The following SLIT3 variants were observed in gnomAD, a reference collection of about 807,000 sequenced individuals.
SLIT3 encodes the protein slit homolog 3 protein.
Under a neutral mutation model 184.0 loss-of-function variants are expected in SLIT3, and 68 were observed. The observed-to-expected ratio is 0.37, with a 90% confidence interval of 0.30 to 0.45. The LOEUF is 0.45. SLIT3 is among the 20% of genes least tolerant of loss of function. The pLI is 1.00. For missense variants in SLIT3, 1,707 were observed against 2,026.0 expected, an observed-to-expected ratio of 0.84 and a Z score of 3.02; for synonymous variants, 831 against 828.6, an observed-to-expected ratio of 1.00 and a Z score of -0.05.
chr5:169,287,491 C>T (rs1013345721), intron 1 of SLIT3, among the ~76,000 whole-genome samples: 4 of 152,150 alleles, frequency 2.6e-5, no homozygotes, highest in Non-Finnish European at 4.4e-5. Flanking sequence ...AATGAAGGCA[C>T]CTTTTCATAA....
At chr5:169,243,409 G>C (rs1321812792) in intron 3 of SLIT3, among the ~76,000 whole-genome samples, 1 of 152,130 alleles carries the variant, frequency 6.6e-6, no homozygotes, top group Non-Finnish European at 1.5e-5. Flanking sequence ...AAATAAACGT[G>C]TAAACAGAGA....
chr5:169,005,894 C>T (rs1248046835), intron 4 of SLIT3, among the ~76,000 whole-genome samples: 1 of 152,214 alleles, frequency 6.6e-6, no homozygotes, highest in Non-Finnish European at 1.5e-5. Context: ...AAACAAACAG[C>T]AGTGCATAGA....
chr5:169,074,121 C>T (rs1758651356), intron 4 of SLIT3, among the ~76,000 whole-genome samples: 1 of 152,120 alleles, frequency 6.6e-6, no homozygotes, highest in African/African-American at 2.4e-5. Flanking sequence ...ATGGAGGGAG[C>T]AGTAGTTTTC....
At chr5:168,888,463 G>A (rs962456062) in intron 4 of SLIT3, among the ~76,000 whole-genome samples, 33 of 152,186 alleles carry the variant, frequency 2.2e-4, no homozygotes, top group African/African-American at 7.2e-4. Flanking sequence ...GAACCCAAGG[G>A]GATCCACCCC....
At chr5:169,254,954 A>T (rs1384154638) in intron 1 of SLIT3, among the ~76,000 whole-genome samples, 1 of 152,268 alleles carries the variant, frequency 6.6e-6, no homozygotes, top group East Asian at 1.9e-4. Context: ...CAGTCATGTA[A>T]CATATAGCAA....
intron 17 of SLIT3, 120 bp downstream of exon 17, chr5:168,753,744 G>A (rs1754797852): frequency 1.7e-6 from 2 of 1,172,078 alleles, no homozygotes; most frequent in Non-Finnish European, 2.4e-6. Flanking sequence ...TCCAGGAAGA[G>A]AGGGATTCAG....
intron 1 of SLIT3, among the ~76,000 whole-genome samples, chr5:169,287,290 G>C (rs78406692): frequency 6.6e-6 from 1 of 152,132 alleles, no homozygotes; most frequent in African/African-American, 2.4e-5. Context: ...TAAGCTGCAG[G>C]CTTGGTGCTG....
Position 169,282,908 on chromosome 5 carries a change from C to T in SLIT3, c.197+17605G>A, listed in dbSNP as rs185619107. ...TGCAAGGTTTACAAAATCCCAACAT[C>T]CAAAAAGCACCCCCAAATCATTAAA... On this transcript the variant is annotated intron_variant, in intron 1 of 35. Transcript: ENST00000519560. 2.0e-4 allele frequency among the ~76,000 whole-genome samples: 31 copies of T among 152,312 alleles called. No homozygotes were observed. The East Asian group carries it at 5.8e-3, about 28-fold the overall frequency.
chr5:169,214,618 G>A (rs1037385023), intron 3 of SLIT3, among the ~76,000 whole-genome samples: 6 of 152,182 alleles, frequency 3.9e-5, no homozygotes, highest in African/African-American at 1.4e-4. Context: ...CCAGTATACT[G>A]AACCTGGGTA....
chr5:168,983,854 TA>T (rs898536619), intron 4 of SLIT3, among the ~76,000 whole-genome samples: 14 of 152,054 alleles, frequency 9.2e-5, no homozygotes, highest in Admixed American at 6.6e-5. Context: ...AGTCTTAGGT[TA>T]AAATGACATT....
At chr5:168,696,175 G>A in intron 28 of SLIT3, 117 bp downstream of exon 28, 2 of 1,284,646 alleles carry the variant, frequency 1.6e-6, no homozygotes, top group Non-Finnish European at 2.2e-6. Context: ...TCACAGTCTT[G>A]GGGTCTTAGT....
intron 3 of SLIT3, among the ~76,000 whole-genome samples, chr5:169,243,319 T>A (rs920893861): frequency 6.6e-6 from 1 of 152,210 alleles, no homozygotes; most frequent in Non-Finnish European, 1.5e-5. Context: ...GAATATTTCA[T>A]ACAAAGGAAC....
intron 4 of SLIT3, among the ~76,000 whole-genome samples, chr5:168,988,716 G>A (rs1052916856): frequency 6.6e-6 from 1 of 152,172 alleles, no homozygotes; most frequent in African/African-American, 2.4e-5. Context: ...AATTTCACCT[G>A]GATGGAAAAT....
chr5:169,095,633 T>C (rs1433926332), intron 4 of SLIT3, among the ~76,000 whole-genome samples: 1 of 152,110 alleles, frequency 6.6e-6, no homozygotes, highest in African/African-American at 2.4e-5. Flanking sequence ...AGGTGTAACA[T>C]TTTAAGTCCC....
rs185693969 is a variant in SLIT3, at chr5:169,236,239, C to T, written c.341+8466G>A. The stretch of plus-strand genomic sequence containing the variant: ...ACTAAGAATTCTTTGTTTGCTTTTA[C>T]GTCCTTTTGACATACTCCCCAAATT... On this transcript the variant is annotated intron_variant, in intron 3 of 35. Transcript: ENST00000519560. Among the ~76,000 whole-genome samples the T allele has an allele frequency of 1.3e-4, 20 of 152,228 alleles. 1 individual carries two copies. The highest frequency in any genetic ancestry group is 3.4e-3 in the Middle Eastern group (1 of 294).
chr5:168,982,470 G>A (rs1754982549), intron 4 of SLIT3, among the ~76,000 whole-genome samples: 1 of 152,132 alleles, frequency 6.6e-6, no homozygotes, highest in South Asian at 2.1e-4. Context: ...AGAACTGAAG[G>A]AAATACATTT....
At chr5:168,937,580 T>A (rs1015928943) in intron 4 of SLIT3, among the ~76,000 whole-genome samples, 1 of 152,036 alleles carries the variant, frequency 6.6e-6, no homozygotes, top group Non-Finnish European at 1.5e-5. Flanking sequence ...TAGATGGCAT[T>A]GGCCTTGTGC....
intron 4 of SLIT3, among the ~76,000 whole-genome samples, chr5:168,942,769 G>A (rs1762368014): frequency 7.7e-6 from 1 of 129,576 alleles, no homozygotes; most frequent in African/African-American, 3.0e-5. Flanking sequence ...GGAGTTTGTG[G>A]GGGGTGACCA....
At chr5:169,214,848 G>A (rs907684110) in intron 3 of SLIT3, among the ~76,000 whole-genome samples, 2 of 152,200 alleles carry the variant, frequency 1.3e-5, no homozygotes, top group Middle Eastern at 3.4e-3. Flanking sequence ...TGACACTCAT[G>A]ATGTGCAATC....
Sources: allele counts gnomAD v4.1 joint callset (sites outside exome capture counted in the v4.1 genomes callset), GRCh38; gene constraint gnomAD v4.1.1; transcripts MANE v1.5; gene names NCBI Gene and HGNC (gene_info 2026-07-23, HGNC 2026-07-21).